Variants in NXPH1 observed in about 807,000 individuals in gnomAD.
NXPH1 encodes neurexophilin 1.
In NXPH1, 5 loss-of-function variants were observed where a neutral mutation model predicts 23.7. The observed-to-expected ratio is 0.21, with a 90% CI of 0.11 to 0.44. NXPH1 has a LOEUF of 0.44. NXPH1 is among the 20% of genes least tolerant of loss of function. The pLI, the probability that NXPH1 is intolerant of heterozygous loss-of-function variation, is 0.99. For missense variants in NXPH1, 324 were observed against 321.6 expected, an observed-to-expected ratio of 1.01 and a Z score of -0.06; for synonymous variants, 144 against 122.2, an observed-to-expected ratio of 1.18 and a Z score of -1.18.
chr7:8,689,345 A>T (rs1018015301), intron 2 of NXPH1, among the ~76,000 whole-genome samples: 1 of 151,720 alleles, frequency 6.6e-6, no homozygotes, highest in African/African-American at 2.4e-5. Context: ...ACTTACTATC[A>T]GTCAGCTCGC....
At chr7:8,569,241 A>T (rs1818603241) in intron 2 of NXPH1, among the ~76,000 whole-genome samples, 1 of 151,858 alleles carries the variant, frequency 6.6e-6, no homozygotes. Context: ...TACCAGTTCT[A>T]CATAAATGTC....
intron 2 of NXPH1, among the ~76,000 whole-genome samples, chr7:8,443,795 A>G (rs1282938319): frequency 6.6e-6 from 1 of 152,140 alleles, no homozygotes; most frequent in Admixed American, 6.5e-5. Flanking sequence ...ATCTATCATC[A>G]TTAGACCCGG....
intron 2 of NXPH1, among the ~76,000 whole-genome samples, chr7:8,635,777 G>A (rs1022564525): frequency 6.6e-6 from 1 of 152,160 alleles, no homozygotes; most frequent in Non-Finnish European, 1.5e-5. Context: ...AGATGAAACA[G>A]CTTTTTTTCT....
chr7:8,435,655 T>C lies in NXPH1; in HGVS notation c.-59T>C, dbSNP rs1816180437. 1.3e-6 allele frequency: 2 copies of C among 1,512,036 alleles called. No homozygotes were observed. The highest frequency in any genetic ancestry group is 2.3e-5 in the East Asian group (1 of 44,414). The allele number at this position is 1,512,036 out of a possible 1,614,324, so 93.7% of individuals were successfully genotyped here. A position where few individuals can be genotyped will look rare whatever the true frequency, so the allele number is the denominator to read the frequency against. ...AAAGTGGATGTCAGGTGGATCTATG[T>C]TTCTGAAGGAACAAAGACTCAAAGA... On this transcript the variant is annotated 5_prime_UTR_variant, in exon 2 of 3. Transcript: ENST00000405863. The surrounding 1 kb of genome is among the most constrained non-coding windows in gnomAD (Gnocchi z 5.9).
chr7:8,435,609 T>C lies in NXPH1; in HGVS notation c.-105T>C. ...CTAATTTTATTTGCATCTAGGCTGC[T>C]GAGAGCGCTCCTTGCTCTGTAAAGT... On this transcript the variant is annotated 5_prime_UTR_variant, in exon 2 of 3. The change abolishes the stop of an existing upstream ORF in the 5' untranslated region. Coordinates refer to ENST00000405863, the MANE Select transcript of NXPH1 (RefSeq NM_152745.3). This position sits in a 1 kb window ranked among gnomAD's most constrained non-coding sequence, Gnocchi z 5.9. 1 of 1,035,242 alleles carries C rather than the reference T, an allele frequency of 9.7e-7. No homozygotes were observed. Among genetic ancestry groups the C allele is most frequent in the Non-Finnish European group, 1.5e-6 (1 of 652,544 alleles). The allele number at this position is 1,035,242 out of a possible 1,614,324, so 64.1% of individuals were successfully genotyped here. A position where few individuals can be genotyped will look rare whatever the true frequency, so the allele number is the denominator to read the frequency against.
At chr7:8,587,095 T>C (rs1305736599) in intron 2 of NXPH1, among the ~76,000 whole-genome samples, 2 of 152,188 alleles carry the variant, frequency 1.3e-5, no homozygotes, top group South Asian at 2.1e-4. Flanking sequence ...GTTAAGACTT[T>C]ACATGTCAGA....
In NXPH1 at chr7:8,751,622, C is replaced by T. The variant is rs1184529977; in HGVS notation, c.669C>T (p.Thr223=). ...DPSKTCYQEQ[T]QSHVSWLCSK... Reference sequence around the variant, plus strand: ...CAAAAACCTGTTACCAGGAGCAAACCCAAAGTCATGTATCCTGGCTCTGCT... The same window carrying T: ...CAAAAACCTGTTACCAGGAGCAAACTCAAAGTCATGTATCCTGGCTCTGCT... Residue 223 remains threonine (T), a synonymous_variant, in exon 3 of 3, where the codon ACC becomes ACT. Coordinates refer to ENST00000405863, the MANE Select transcript of NXPH1 (RefSeq NM_152745.3). The surrounding 1 kb of genome is among the most constrained non-coding windows in gnomAD (Gnocchi z 4.5). 1.1e-5 allele frequency: 18 copies of T among 1,613,416 alleles called. No individual in the cohort carries two copies. Among genetic ancestry groups the T allele is most frequent in the Non-Finnish European group, 1.5e-5 (18 of 1,179,748 alleles).
intron 2 of NXPH1, among the ~76,000 whole-genome samples, chr7:8,471,361 A>G (rs1310806910): frequency 2.0e-5 from 3 of 152,208 alleles, no homozygotes; most frequent in Non-Finnish European, 2.9e-5. Flanking sequence ...TCACACGAAT[A>G]TCATTAACAT....
At chr7:8,490,868 A>C (rs1817237838) in intron 2 of NXPH1, among the ~76,000 whole-genome samples, 1 of 152,074 alleles carries the variant, frequency 6.6e-6, no homozygotes, top group Non-Finnish European at 1.5e-5. Context: ...ATGAATAAAT[A>C]TTAGCCAAGT....
chr7:8,512,627 T>A lies in NXPH1; in HGVS notation c.54+76860T>A, dbSNP rs183581250. On this transcript the variant is annotated intron_variant, in intron 2 of 2. Transcript: ENST00000405863. ...AAAATGATTTTGATGCAAATACACA[T>A]TTCTTCATACTATAAAGTTAACCAA... 2.6e-5 allele frequency among the ~76,000 whole-genome samples: 4 copies of A among 152,274 alleles called. No homozygotes were observed. In the East Asian group the frequency reaches 7.7e-4, roughly 29 times the overall value.
chr7:8,677,997 A>T (rs905870562), intron 2 of NXPH1, among the ~76,000 whole-genome samples: 3 of 152,170 alleles, frequency 2.0e-5, no homozygotes, highest in African/African-American at 7.2e-5. Context: ...TTTAGTATCA[A>T]CCAATATAAA....
rs1290490256 is a variant in NXPH1, at chr7:8,434,210, G to C, written c.-656G>C. Reference sequence around the variant, plus strand: ...CACCCCTCCCTCAGAAACTCGGACTGCTCTCGTCTGCCGTGTGGTTCTCTT... The same window carrying C: ...CACCCCTCCCTCAGAAACTCGGACTCCTCTCGTCTGCCGTGTGGTTCTCTT... On this transcript the variant is annotated 5_prime_UTR_variant, in exon 1 of 3. Coordinates refer to ENST00000405863, the MANE Select transcript of NXPH1 (RefSeq NM_152745.3). This position sits in a 1 kb window ranked among gnomAD's most constrained non-coding sequence, Gnocchi z 7.6. 2 of 153,196 alleles carry C rather than the reference G, an allele frequency of 1.3e-5. No individual in the cohort carries two copies. Among genetic ancestry groups the C allele is most frequent in the African/African-American group, 4.8e-5 (2 of 41,436 alleles). The allele number at this position is 153,196 out of a possible 1,614,324, so 9.5% of individuals were successfully genotyped here. A position where few individuals can be genotyped will look rare whatever the true frequency, so the allele number is the denominator to read the frequency against.
intron 2 of NXPH1, among the ~76,000 whole-genome samples, chr7:8,633,698 A>G (rs1195040007): frequency 3.3e-5 from 5 of 152,208 alleles, no homozygotes; most frequent in African/African-American, 4.8e-5. Flanking sequence ...ACCTGAAAAA[A>G]GAATTCGTAA....
intron 2 of NXPH1, among the ~76,000 whole-genome samples, chr7:8,656,196 C>G (rs1042368369): frequency 1.3e-5 from 2 of 152,158 alleles, no homozygotes; most frequent in African/African-American, 2.4e-5. Flanking sequence ...GCAAAATATT[C>G]TAGTTCACTT....
At chr7:8,572,554 C>T (rs541587986) in intron 2 of NXPH1, among the ~76,000 whole-genome samples, 8 of 151,874 alleles carry the variant, frequency 5.3e-5, no homozygotes, top group Non-Finnish European at 1.0e-4. Context: ...ATCAAACAAA[C>T]AGTAGACATA....
At position 8,605,931 on chromosome 7, in the gene NXPH1, A is replaced by G. The variant is rs996058131; in HGVS notation, c.55-145077A>G. ...TTATACATCTTTGTTATTTTCTTCC[A>G]TACAATAAATAAAATGAGGCCAACA... On this transcript the variant is annotated intron_variant, in intron 2 of 2. Coordinates refer to ENST00000405863, the MANE Select transcript of NXPH1 (RefSeq NM_152745.3). Among the ~76,000 whole-genome samples, 8 of 152,246 alleles carry G rather than the reference A, an allele frequency of 5.3e-5. No homozygotes were observed. The South Asian group carries it at 1.0e-3, about 20-fold the overall frequency.
intron 2 of NXPH1, among the ~76,000 whole-genome samples, chr7:8,598,404 GGCACATA>G (rs1410990934): frequency 6.6e-6 from 1 of 152,006 alleles, no homozygotes; most frequent in Non-Finnish European, 1.5e-5. Flanking sequence ...CTAATATTGG[GGCACATA>G]GACCTGGTTC....
chr7:8,619,147 A>G (rs1294273657), intron 2 of NXPH1, among the ~76,000 whole-genome samples: 1 of 152,164 alleles, frequency 6.6e-6, no homozygotes, highest in East Asian at 1.9e-4. Context: ...CCCTTGGCGA[A>G]CGTTTCTGCT....
rs1779618665 is a variant in NXPH1, at chr7:8,701,191, A to G, written c.55-49817A>G. On this transcript the variant is annotated intron_variant, in intron 2 of 2. Transcript: ENST00000405863. ...GCCTGGACGATTGCAATAGTTTTCCATAACTCCTGCTTCTCTTCAATAAAA... is the reference window on the plus strand; with the variant it reads ...GCCTGGACGATTGCAATAGTTTTCCGTAACTCCTGCTTCTCTTCAATAAAA... 2.0e-5 allele frequency among the ~76,000 whole-genome samples: 3 copies of G among 152,088 alleles called. No homozygotes were observed. In the South Asian group the frequency reaches 6.2e-4, roughly 31 times the overall value.
Sources: gnomAD v4.1 joint callset for allele counts (sites outside exome capture counted in the v4.1 genomes callset) on GRCh38, gnomAD v4.1.1 for gene constraint, Gnocchi (gnomAD v3.1) non-coding constraint, MANE v1.5 for transcripts, NCBI Gene and HGNC (gene_info 2026-07-23, HGNC 2026-07-21) for gene names.